Variants in CTNND2 observed in about 807,000 individuals in gnomAD.
CTNND2 encodes the protein catenin delta 2.
CTNND2 carries 22 observed loss-of-function variants against 144.4 expected under a neutral mutation model. The observed-to-expected ratio is 0.15, with a 90% CI of 0.11 to 0.22. The LOEUF is 0.22. Ranked by LOEUF, CTNND2 falls within the 10% of genes least tolerant of loss-of-function variation. CTNND2 has a pLI of 1.00. For synonymous variants in CTNND2, 751 were observed against 695.6 expected, an observed-to-expected ratio of 1.08 and a Z score of -1.25; for missense variants, 1,353 against 1,618.8, an observed-to-expected ratio of 0.84 and a Z score of 2.82.
chr5:11,447,950 T>C (rs922150899), intron 3 of CTNND2, among the ~76,000 whole-genome samples: 1 of 152,192 alleles, frequency 6.6e-6, no homozygotes, highest in African/African-American at 2.4e-5. Flanking sequence ...TATGCATTCA[T>C]ATAACATACT....
chr5:11,869,233 C>T (rs900611948), intron 1 of CTNND2, among the ~76,000 whole-genome samples: 1 of 152,084 alleles, frequency 6.6e-6, no homozygotes, highest in Non-Finnish European at 1.5e-5. Flanking sequence ...TAGGTATATA[C>T]CCAAAAGAAC....
At chr5:10,976,434 A>G (rs958070038) in intron 21 of CTNND2, among the ~76,000 whole-genome samples, 3 of 152,202 alleles carry the variant, frequency 2.0e-5, no homozygotes, top group Non-Finnish European at 2.9e-5. Flanking sequence ...TGATGCCCCA[A>G]TAGAGCAGAG....
chr5:10,992,291 A>G (rs1317062773), intron 19 of CTNND2, among the ~76,000 whole-genome samples: 1 of 152,226 alleles, frequency 6.6e-6, no homozygotes, highest in Non-Finnish European at 1.5e-5. Flanking sequence ...AGTTTTCTTT[A>G]TACTCGTTCC....
At chr5:11,189,777 A>G (rs1221071709) in intron 11 of CTNND2, among the ~76,000 whole-genome samples, 1 of 152,184 alleles carries the variant, frequency 6.6e-6, no homozygotes. Context: ...TATAGTAGGC[A>G]CTCAGCAGCA....
intron 13 of CTNND2, among the ~76,000 whole-genome samples, chr5:11,114,852 C>T (rs537823192): frequency 9.7e-4 from 148 of 152,204 alleles, no homozygotes; most frequent in Non-Finnish European, 1.5e-3. Context: ...AGCTCAAAAG[C>T]GGCCAAGCAG....
At chr5:11,172,494 A>G (rs935313325) in intron 11 of CTNND2, among the ~76,000 whole-genome samples, 3 of 152,230 alleles carry the variant, frequency 2.0e-5, no homozygotes, top group African/African-American at 7.2e-5. Flanking sequence ...CCTTAGGGCA[A>G]GCAAACCACT....
chr5:11,876,629 G>A (rs1471049898), intron 1 of CTNND2, among the ~76,000 whole-genome samples: 1 of 152,152 alleles, frequency 6.6e-6, no homozygotes, highest in Non-Finnish European at 1.5e-5. Context: ...CCAGTAGCCT[G>A]ATCTGGGTAA....
intron 1 of CTNND2, among the ~76,000 whole-genome samples, chr5:11,744,012 C>A (rs1229233797): frequency 1.3e-5 from 2 of 152,178 alleles, no homozygotes; most frequent in Non-Finnish European, 2.9e-5. Flanking sequence ...GTGATGACTT[C>A]TACAAAGCAA....
At chr5:11,178,725 T>G (rs1382879484) in intron 11 of CTNND2, among the ~76,000 whole-genome samples, 1 of 152,196 alleles carries the variant, frequency 6.6e-6, no homozygotes, top group Non-Finnish European at 1.5e-5. Context: ...GGTATATAAA[T>G]GGTTTTGTTA....
At chr5:11,212,849 G>A (rs995124856) in intron 10 of CTNND2, among the ~76,000 whole-genome samples, 4 of 152,172 alleles carry the variant, frequency 2.6e-5, no homozygotes, top group African/African-American at 9.6e-5. Flanking sequence ...GATGCTGGGA[G>A]GAGACTAGAC....
chr5:11,891,383 G>C (rs188614479), intron 1 of CTNND2, among the ~76,000 whole-genome samples: 84 of 152,306 alleles, frequency 5.5e-4, no homozygotes, highest in African/African-American at 1.9e-3. Flanking sequence ...TGCCACCAGA[G>C]ATTGGCCTTC....
chr5:11,578,531 C>T lies in CTNND2; in HGVS notation c.175-13475G>A, dbSNP rs140946298. On this transcript the variant is annotated intron_variant, in intron 2 of 21. Coordinates refer to ENST00000304623, the MANE Select transcript of CTNND2 (RefSeq NM_001332.4). ...CAAAAATTAGCCAGGCACGGTGGCACGCACCTGTAGTACCAGCTTCTTGGG... is the reference window on the plus strand; with the variant it reads ...CAAAAATTAGCCAGGCACGGTGGCATGCACCTGTAGTACCAGCTTCTTGGG... Among the ~76,000 whole-genome samples, 547 of 152,110 alleles carry T rather than the reference C, an allele frequency of 3.6e-3. 4 individuals are homozygous for T. Among genetic ancestry groups the T allele is most frequent in the African/African-American group, 0.012 (514 of 41,508 alleles).
In CTNND2 at chr5:11,236,787, C is replaced by A; in HGVS notation, c.1665G>T (p.Val555=). 6.2e-7 allele frequency: 1 copy of A among 1,614,184 alleles called. No homozygotes were observed. The highest frequency in any genetic ancestry group is 8.5e-7 in the Non-Finnish European group (1 of 1,180,034). Residue 555 remains valine, a synonymous_variant, in exon 10 of 22, where the codon GTG becomes GTT. Coordinates refer to ENST00000304623, the MANE Select transcript of CTNND2 (RefSeq NM_001332.4). ...FGWRDPELPE[V]IQMLQHQFPS... is the part of the protein sequence containing the mutation. The stretch of plus-strand genomic sequence containing the variant: ...GAAACTGGTGCTGCAACATCTGAAT[C>A]ACTTCCGGCAGTTCCGGGTCTCTCC...
At chr5:11,534,901 A>G (rs2150060356) in intron 3 of CTNND2, among the ~76,000 whole-genome samples, 1 of 152,168 alleles carries the variant, frequency 6.6e-6, no homozygotes, top group African/African-American at 2.4e-5. Flanking sequence ...TCAAAAAAAG[A>G]TTTCTTGGCC....
chr5:11,424,953 T>C (rs1762660592), intron 3 of CTNND2, among the ~76,000 whole-genome samples: 1 of 152,210 alleles, frequency 6.6e-6, no homozygotes, highest in South Asian at 2.1e-4. Flanking sequence ...ATCTCTGCTT[T>C]GTTCTGTGAA....
chr5:11,477,411 T>C (rs1354368023), intron 3 of CTNND2, among the ~76,000 whole-genome samples: 1 of 151,806 alleles, frequency 6.6e-6, no homozygotes, highest in Non-Finnish European at 1.5e-5. Context: ...TTGTTTTTGT[T>C]TTGTTTTGTT....
intron 9 of CTNND2, among the ~76,000 whole-genome samples, chr5:11,309,719 G>T (rs909502987): frequency 1.3e-5 from 2 of 152,118 alleles, no homozygotes; most frequent in Admixed American, 6.5e-5. Flanking sequence ...GATTTGGGAG[G>T]GGTCGGGGCA....
At chr5:11,894,725 A>G (rs1737261129) in intron 1 of CTNND2, among the ~76,000 whole-genome samples, 1 of 152,240 alleles carries the variant, frequency 6.6e-6, no homozygotes, top group Admixed American at 6.5e-5. Context: ...ATGACAAAAT[A>G]GGCAAAGATG....
At chr5:11,646,733 C>T (rs1486234947) in intron 2 of CTNND2, among the ~76,000 whole-genome samples, 1 of 152,210 alleles carries the variant, frequency 6.6e-6, no homozygotes, top group Non-Finnish European at 1.5e-5. Context: ...TTCCCTTCCT[C>T]TCTAAGACCC....
Sources: allele counts gnomAD v4.1 joint callset (sites outside exome capture counted in the v4.1 genomes callset), GRCh38; gene constraint gnomAD v4.1.1; transcripts MANE v1.5; gene names NCBI Gene and HGNC (gene_info 2026-07-23, HGNC 2026-07-21).